Variants in DNHD1 observed in about 807,000 individuals in gnomAD.
The protein encoded by DNHD1 is dynein heavy chain domain 1, also known as dynein heavy chain domain-containing protein 1.
A neutral mutation model predicts 458.1 loss-of-function variants in DNHD1; 383 were observed. The observed-to-expected ratio is 0.84, with a 90% confidence interval of 0.77 to 0.91. The LOEUF (loss-of-function observed/expected upper bound fraction) is 0.91. Ranked by LOEUF, DNHD1 falls within the 40% of genes least tolerant of loss-of-function variation. The probability of loss-of-function intolerance (pLI) is 0.00; values close to 1 mark genes in which losing one functional copy is unlikely to be tolerated. For missense variants in DNHD1, 5,336 were observed against 5,866.1 expected, an observed-to-expected ratio of 0.91 and a Z score of 2.95; for synonymous variants, 2,203 against 2,376.9, an observed-to-expected ratio of 0.93 and a Z score of 2.13.
At chr11:6,532,887 G>A (rs1388468848) in intron 12 of DNHD1, 140 bp from the exon 13 acceptor site, 2 of 775,174 alleles carry the variant, frequency 2.6e-6, no homozygotes, top group Non-Finnish European at 4.1e-6. Flanking sequence ...TGGACATTGA[G>A]CAGGGATTCA....
At chr11:6,520,711 GATTA>G in intron 10 of DNHD1, 3 of 1,015,632 alleles carry the variant, frequency 3.0e-6, no homozygotes, top group Non-Finnish European at 3.5e-6. Flanking sequence ...ATTTCATATG[GATTA>G]ATTCATTGTA....
Position 6,557,216 on chromosome 11 carries a change from C to T in DNHD1, c.7921C>T (p.Arg2641Cys), listed in dbSNP as rs565543736. 103 of 1,551,660 alleles carry T rather than the reference C, an allele frequency of 6.6e-5. No individual in the cohort carries two copies. The highest frequency in any genetic ancestry group is 3.3e-4 in the Middle Eastern group (2 of 5,992). ...GTCLTVMMAT[R>C]NVVRLWLHEA... ...TTGTCTGACCGTTATGATGGCCACA[C>T]GCAATGTGGTGCGTCTTTGGTTGCA... is the stretch of plus-strand genomic sequence containing the variant. Residue 2641 changes from arginine to cysteine, a missense_variant, in exon 25 of 43, where the codon CGC becomes TGC. Transcript: ENST00000254579.
At position 6,528,864 on chromosome 11, in the gene DNHD1, T is replaced by C. The variant is rs1852770691; in HGVS notation, c.2104-14T>C. 1.3e-6 allele frequency: 2 copies of C among 1,551,338 alleles called. No individual in the cohort carries two copies. The highest frequency in any genetic ancestry group is 1.7e-6 in the Non-Finnish European group (2 of 1,146,770). On this transcript the variant is annotated splice_polypyrimidine_tract_variant and intron_variant, in intron 11 of 42. Coordinates refer to ENST00000254579, the MANE Select transcript of DNHD1 (RefSeq NM_144666.3). ...GCCGCATGCCTCTGCCCTAAACACCTTGTCTGCCCTTAGGGCGTGCTGTGC... is the reference window on the plus strand; with the variant it reads ...GCCGCATGCCTCTGCCCTAAACACCCTGTCTGCCCTTAGGGCGTGCTGTGC...
chr11:6,548,638 C>T lies in DNHD1; in HGVS notation c.7099-7C>T. On this transcript the variant is annotated splice_region_variant and splice_polypyrimidine_tract_variant and intron_variant, in intron 23 of 42. Transcript: ENST00000254579. The surrounding 1 kb of genome is among the most constrained non-coding windows in gnomAD (Gnocchi z 4.4). ...GTGCTGCAGTAAGTCCCACTTCTGTCTTGCAGACTGAACGGCTCTTGTATG... is the reference window on the plus strand; with the variant it reads ...GTGCTGCAGTAAGTCCCACTTCTGTTTTGCAGACTGAACGGCTCTTGTATG... The T allele has an allele frequency of 3.9e-6, 6 of 1,551,370 alleles. No homozygotes were observed. Among genetic ancestry groups the T allele is most frequent in the Non-Finnish European group, 5.2e-6 (6 of 1,146,942 alleles).
chr11:6,506,837 G>C (rs940481350), intron 4 of DNHD1, among the ~76,000 whole-genome samples: 4 of 152,136 alleles, frequency 2.6e-5, no homozygotes, highest in Non-Finnish European at 5.9e-5. Flanking sequence ...AGGGGTTTGG[G>C]TTTGTTGTGT....
chr11:6,503,707 C>CA (rs1197108546), intron 4 of DNHD1: 1 of 152,130 alleles, frequency 6.6e-6, no homozygotes, highest in East Asian at 1.9e-4. Context: ...AGGCTGGTCT[C>CA]AAACTCCTGG....
At position 6,520,023 on chromosome 11, in the gene DNHD1, T is replaced by A. The variant is rs200207984; in HGVS notation, c.1706T>A (p.Leu569Gln). 4 of 1,614,106 alleles carry A rather than the reference T, an allele frequency of 2.5e-6. No homozygotes were observed. The highest frequency in any genetic ancestry group is 3.4e-6 in the Non-Finnish European group (4 of 1,180,044). The change falls in exon 9 of 43, where the codon CTG becomes CAG. Residue 569 changes from leucine (L) to glutamine (Q), a missense_variant. Leu to Gln is a moderately radical substitution (Grantham distance 113, BLOSUM62 -2). Around this residue, in one of 4 missense-constraint regions of DNHD1, gnomAD observed 3,932 missense variants for 4,365.6 expected, o/e 0.90. Coordinates refer to ENST00000254579, the MANE Select transcript of DNHD1 (RefSeq NM_144666.3). ...SQLVFDDHGQ[L>Q]SHVPCVENMI... ...CTGGTCTTTGATGATCATGGTCAAC[T>A]GTCTCATGTGCCCTGTGTTGAAAAT...
chr11:6,546,682 C>T lies in DNHD1; in HGVS notation c.5743C>T (p.Pro1915Ser). 3 of 1,551,838 alleles carry T rather than the reference C, an allele frequency of 1.9e-6. No homozygotes were observed. The highest frequency in any genetic ancestry group is 2.6e-6 in the Non-Finnish European group (3 of 1,147,012). Residue 1915 changes from proline (P) to serine (S), a missense_variant, in exon 21 of 43, where the codon CCA becomes TCA. Pro to Ser is a moderately conservative substitution (Grantham distance 74). This residue lies in a region of DNHD1 where 3,932 missense variants were observed against 4,365.6 expected (regional missense o/e 0.90). Transcript: ENST00000254579. ...AIEEAALLRSPLFSILNGLHL... is the reference protein window; with the variant it reads ...AIEEAALLRSSLFSILNGLHL... ...TGAGGAGGCTGCCCTACTGCGCTCACCACTGTTTAGCATTCTCAATGGGCT... is the reference window on the plus strand; with the variant it reads ...TGAGGAGGCTGCCCTACTGCGCTCATCACTGTTTAGCATTCTCAATGGGCT...
chr11:6,562,954 G>A (rs72901769), intron 28 of DNHD1, 28 bp from the exon 29 acceptor site: 24,951 of 1,545,978 alleles, frequency 0.016, 227 homozygotes, highest in Middle Eastern at 0.033. Flanking sequence ...AAGATCTGGA[G>A]CTGCAGGGCC....
At chr11:6,550,261 C>T (rs1010257494) in intron 24 of DNHD1, among the ~76,000 whole-genome samples, 1 of 152,060 alleles carries the variant, frequency 6.6e-6, no homozygotes, top group Non-Finnish European at 1.5e-5. Context: ...GTGTCAGAAC[C>T]AAGATTAAAA....
At chr11:6,536,774 C>A (rs554725674) in intron 14 of DNHD1, among the ~76,000 whole-genome samples, 2 of 152,272 alleles carry the variant, frequency 1.3e-5, no homozygotes, top group East Asian at 3.8e-4. Context: ...TTTATCTTTT[C>A]ATGTGTTTGG....
chr11:6,515,270 A>G (rs991868375), intron 7 of DNHD1, among the ~76,000 whole-genome samples: 7 of 152,224 alleles, frequency 4.6e-5, no homozygotes, highest in Admixed American at 4.6e-4. Flanking sequence ...CTATAGTACA[A>G]TGATCAAAGA....
chr11:6,558,588 C>G lies in DNHD1; in HGVS notation c.9106C>G (p.Leu3036Val), dbSNP rs778073791. 16 of 1,551,626 alleles carry G rather than the reference C, an allele frequency of 1.0e-5. No individual in the cohort carries two copies. The highest frequency in any genetic ancestry group is 7.3e-5 in the East Asian group (3 of 40,932). ...PSTLFLRLLQ[L>V]ATASIDRYEP... is the part of the protein sequence containing the mutation. ...CACCCTTTTCCTGAGGCTCCTTCAA[C>G]TGGCCACTGCCAGCATTGACCGCTA... is the stretch of plus-strand genomic sequence containing the variant. The change falls in exon 26 of 43, where the codon CTG (leucine) becomes GTG (valine). Residue 3036 changes from leucine (L) to valine (V), a missense_variant. Around this residue, in one of 4 missense-constraint regions of DNHD1, gnomAD observed 3,932 missense variants for 4,365.6 expected, o/e 0.90. Transcript: ENST00000254579.
At chr11:6,559,339 G>A in intron 28 of DNHD1, 56 bp downstream of exon 28, 2 of 1,435,430 alleles carry the variant, frequency 1.4e-6, no homozygotes, top group South Asian at 2.6e-5. Context: ...GCCCAAAGGG[G>A]ACTTGAAAGG....
intron 14 of DNHD1, among the ~76,000 whole-genome samples, chr11:6,534,570 C>G (rs993075904): frequency 6.6e-6 from 1 of 152,166 alleles, no homozygotes; most frequent in Non-Finnish European, 1.5e-5. Context: ...TCTTGATGCT[C>G]TAGCAGATCA....
Position 6,538,771 on chromosome 11 carries a change from C to A in DNHD1, c.3286C>A (p.Leu1096Ile). ...YLPLLTKLGS[L>I]HPQSLNCQCL... ...GCCCCTGCTCACTAAGCTGGGCAGCCTCCACCCACAGAGCCTCAACTGCCA... is the reference window on the plus strand; with the variant it reads ...GCCCCTGCTCACTAAGCTGGGCAGCATCCACCCACAGAGCCTCAACTGCCA... Residue 1096 changes from leucine to isoleucine, a missense_variant, in exon 16 of 43, where the codon CTC becomes ATC. Physicochemically the swap from Leu to Ile is conservative, Grantham distance 5. This residue lies in a region of DNHD1 where 3,932 missense variants were observed against 4,365.6 expected (regional missense o/e 0.90). Coordinates refer to ENST00000254579, the MANE Select transcript of DNHD1 (RefSeq NM_144666.3). The A allele has an allele frequency of 6.5e-7, 1 of 1,536,610 alleles. No individual in the cohort carries two copies. Among genetic ancestry groups the A allele is most frequent in the Non-Finnish European group, 8.8e-7 (1 of 1,137,782 alleles).
intron 7 of DNHD1, among the ~76,000 whole-genome samples, chr11:6,517,257 C>T (rs1285125776): frequency 1.3e-5 from 2 of 152,184 alleles, no homozygotes; most frequent in East Asian, 1.9e-4. Context: ...TTAACACATC[C>T]ATCACCACAC....
At chr11:6,530,721 C>T (rs891667494) in intron 12 of DNHD1, among the ~76,000 whole-genome samples, 2 of 152,144 alleles carry the variant, frequency 1.3e-5, no homozygotes, top group African/African-American at 4.8e-5. Flanking sequence ...TCCAGTGGGC[C>T]ACTAAAACTC....
intron 24 of DNHD1, among the ~76,000 whole-genome samples, chr11:6,550,502 A>G (rs1853316984): frequency 6.6e-6 from 1 of 152,216 alleles, no homozygotes; most frequent in Admixed American, 6.5e-5. Flanking sequence ...AACATCCAGT[A>G]TAAAATAAAA....
Sources: allele counts gnomAD v4.1 joint callset (sites outside exome capture counted in the v4.1 genomes callset), GRCh38; gene constraint gnomAD v4.1.1; regional missense constraint gnomAD v4.1.1; non-coding constraint Gnocchi (gnomAD v3.1); transcripts MANE v1.5; gene names NCBI Gene and HGNC (gene_info 2026-07-23, HGNC 2026-07-21).